The following USP43 variants were observed in gnomAD, a reference collection of about 807,000 sequenced individuals.
USP43 encodes ubiquitin carboxyl-terminal hydrolase 43.
In USP43, 33 loss-of-function variants were observed where a neutral mutation model predicts 90.7. The ratio of observed to expected loss-of-function variants is 0.36; its 90% CI spans 0.28 to 0.49. USP43 has a LOEUF of 0.49. Ranked by LOEUF, USP43 falls within the 20% of genes least tolerant of loss-of-function variation. The probability of loss-of-function intolerance (pLI) is 0.98; values close to 1 mark genes in which losing one functional copy is unlikely to be tolerated. For synonymous variants in USP43, 598 were observed against 615.8 expected (o/e 0.97, Z 0.43); for missense variants, 1,274 against 1,476.4 (o/e 0.86, Z 2.25).
intron 9 of USP43, among the ~76,000 whole-genome samples, chr17:9,695,136 C>T (rs1915180797): frequency 6.6e-6 from 1 of 151,930 alleles, no homozygotes; most frequent in Non-Finnish European, 1.5e-5. Context: ...CCCCTGTTCA[C>T]CCCACTCCCA....
rs1430746772 is a variant in USP43 at position 9,728,256 on chromosome 17, G to A, written c.2638G>A (p.Gly880Arg). The A allele has an allele frequency of 6.2e-7, 1 of 1,613,614 alleles. No homozygotes were observed. The highest frequency in any genetic ancestry group is 1.7e-5 in the Admixed American group (1 of 59,970). Residue 880 changes from glycine (G) to arginine (R), a missense_variant, in exon 15 of 15, where the codon GGG (glycine) becomes AGG (arginine). Physicochemically the swap from Gly to Arg is moderately radical, Grantham distance 125 (BLOSUM62 -2). Transcript: ENST00000285199. The surrounding 1 kb of genome is among the most constrained non-coding windows in gnomAD (Gnocchi z 6.2). ...CCTTCCTGCTAACAGCGAAGATGGT[G>A]GGCGGGCCATTGAAAGAGGTCCAGC... ...VALPANSEDG[G>R]RAIERGPAGV...
intron 2 of USP43, among the ~76,000 whole-genome samples, chr17:9,662,330 C>T (rs1158777794): frequency 6.6e-6 from 1 of 152,188 alleles, no homozygotes; most frequent in Non-Finnish European, 1.5e-5. Flanking sequence ...GTTACCTCCT[C>T]CAAGTGCCCT....
At chr17:9,721,873 G>A (rs978045921) in intron 14 of USP43, among the ~76,000 whole-genome samples, 6 of 151,124 alleles carry the variant, frequency 4.0e-5, no homozygotes, top group African/African-American at 9.8e-5. Context: ...ACAGGTGACA[G>A]GTGCCCGCCA....
intron 14 of USP43, among the ~76,000 whole-genome samples, chr17:9,719,914 A>G (rs570628241): frequency 6.6e-6 from 1 of 152,198 alleles, no homozygotes; most frequent in South Asian, 2.1e-4. Context: ...TAAAAATACA[A>G]AAATTAGCTG....
intron 14 of USP43, among the ~76,000 whole-genome samples, chr17:9,724,536 C>T (rs1004545981): frequency 1.2e-4 from 18 of 152,168 alleles, no homozygotes; most frequent in South Asian, 6.2e-4. Flanking sequence ...AAAAATTAGC[C>T]GGGCGTGGTG....
Position 9,686,986 on chromosome 17 carries a change from G to A in USP43, c.1353+77G>A. The A allele has an allele frequency of 2.2e-6, 3 of 1,361,642 alleles. No homozygotes were observed. The highest frequency in any genetic ancestry group is 3.1e-6 in the Non-Finnish European group (3 of 978,512). The allele number at this position is 1,361,642 out of a possible 1,614,324, so 84.3% of individuals were successfully genotyped here. A position where few individuals can be genotyped will look rare whatever the true frequency, so the allele number is the denominator to read the frequency against. On this transcript the variant is annotated intron_variant, in intron 8 of 14. Transcript: ENST00000285199. The surrounding 1 kb of genome is among the most constrained non-coding windows in gnomAD (Gnocchi z 5.5). ...GCGTGTGTGTGGGTGTGTGTATTGG[G>A]AGGGGTGGAATTTAGTGTAGCCCAG...
Position 9,674,217 on chromosome 17 carries a change from C to T in USP43, c.741-674C>T, listed in dbSNP as rs1913622985. 1.3e-5 allele frequency among the ~76,000 whole-genome samples: 2 copies of T among 152,072 alleles called. No homozygotes were observed. Among genetic ancestry groups the T allele is most frequent in the African/African-American group, 4.8e-5 (2 of 41,406 alleles). Reference sequence around the variant, plus strand: ...AGGGGCGGGTTATAGCTTCCCTTCCCATACTCAGTGCATTTATGTGTGTCA... The same window carrying T: ...AGGGGCGGGTTATAGCTTCCCTTCCTATACTCAGTGCATTTATGTGTGTCA... On this transcript the variant is annotated intron_variant, in intron 3 of 14. Transcript: ENST00000285199. This position sits in a 1 kb window ranked among gnomAD's most constrained non-coding sequence, Gnocchi z 4.4.
rs186741506 is a variant in USP43, at chr17:9,701,605, C to G, written c.1916C>G (p.Pro639Arg). 3 of 1,582,108 alleles carry G rather than the reference C, an allele frequency of 1.9e-6. No homozygotes were observed. The highest frequency in any genetic ancestry group is 1.8e-5 in the Admixed American group (1 of 54,942). The change falls in exon 12 of 15, where the codon CCG (proline) becomes CGG (arginine). Residue 639 changes from proline to arginine, a missense_variant. Around this residue, in one of 6 missense-constraint regions of USP43, gnomAD observed 285 missense variants for 349.6 expected, o/e 0.82. Transcript: ENST00000285199. The surrounding 1 kb of genome is among the most constrained non-coding windows in gnomAD (Gnocchi z 7.2). The part of the protein sequence containing the change: ...GLGPWPSWKQ[P>R]DCLPTSYPLD... ...GGCCCCTGGCCTTCCTGGAAGCAGC[C>G]GGACTGCCTGCCCACCAGTTACCCG...
chr17:9,703,384 G>T (rs1041011612), intron 12 of USP43, among the ~76,000 whole-genome samples: 51 of 152,206 alleles, frequency 3.4e-4, no homozygotes, highest in African/African-American at 9.7e-4. Flanking sequence ...TAGCATAGGC[G>T]TGAGAAGCGT....
intron 9 of USP43, among the ~76,000 whole-genome samples, chr17:9,697,478 C>A (rs892605171): frequency 2.6e-5 from 4 of 152,034 alleles, no homozygotes; most frequent in African/African-American, 4.8e-5. Context: ...AACCCTCTCT[C>A]CCTTCTTCCC....
intron 3 of USP43, among the ~76,000 whole-genome samples, chr17:9,672,493 A>G (rs1378654459): frequency 6.6e-6 from 1 of 152,216 alleles, no homozygotes; most frequent in East Asian, 1.9e-4. Flanking sequence ...GACGTCAATG[A>G]AAAACATTCT....
chr17:9,723,289 G>A (rs773090463), intron 14 of USP43, among the ~76,000 whole-genome samples: 22 of 152,106 alleles, frequency 1.4e-4, no homozygotes, highest in Non-Finnish European at 2.1e-4. Flanking sequence ...CCCAGAATAT[G>A]CCTAGGTGCG....
At chr17:9,661,029 T>G (rs1355041327) in intron 2 of USP43, among the ~76,000 whole-genome samples, 2 of 152,166 alleles carry the variant, frequency 1.3e-5, no homozygotes, top group Admixed American at 6.5e-5. Context: ...TTTTTCTCTT[T>G]GAGGTTATTT....
chr17:9,706,336 A>G lies in USP43; in HGVS notation c.2012-3620A>G, dbSNP rs185331525. Among the ~76,000 whole-genome samples, 74 of 152,282 alleles carry G rather than the reference A, an allele frequency of 4.9e-4. No individual in the cohort carries two copies. The East Asian group carries it at 0.013, about 27-fold the overall frequency. On this transcript the variant is annotated intron_variant, in intron 12 of 14. Coordinates refer to ENST00000285199, the MANE Select transcript of USP43 (RefSeq NM_153210.5). ...CCTGTGGAAAATTTTTGCCATGCAG[A>G]AAGTTTTTATTTTTGCTTTTCTAGG...
chr17:9,667,906 T>C (rs9902770), intron 3 of USP43, among the ~76,000 whole-genome samples: 2,842 of 152,306 alleles, frequency 0.019, 74 homozygotes, highest in African/African-American at 0.056. Context: ...GGGATGAGTA[T>C]TAAAATTTGG....
intron 2 of USP43, among the ~76,000 whole-genome samples, chr17:9,661,215 G>C (rs1912616713): frequency 6.6e-6 from 1 of 152,088 alleles, no homozygotes. Flanking sequence ...TTGTCAGTTT[G>C]CTTTCCAGAA....
intron 1 of USP43, among the ~76,000 whole-genome samples, chr17:9,650,970 C>A (rs879265617): frequency 2.8e-4 from 43 of 152,134 alleles, no homozygotes; most frequent in Non-Finnish European, 5.6e-4. Flanking sequence ...AGTCTTTCAT[C>A]CTTCACCCGT....
At chr17:9,696,757 C>T (rs1204023249) in intron 9 of USP43, among the ~76,000 whole-genome samples, 1 of 152,252 alleles carries the variant, frequency 6.6e-6, no homozygotes, top group African/African-American at 2.4e-5. Flanking sequence ...ATAAAGTCCA[C>T]ACTTGTGAAG....
intron 14 of USP43, among the ~76,000 whole-genome samples, chr17:9,713,787 A>G (rs1916338741): frequency 6.6e-6 from 1 of 152,174 alleles, no homozygotes; most frequent in African/African-American, 2.4e-5. Context: ...AGGTCTAAAT[A>G]ACGAGGGGAA....
Sources: gnomAD v4.1 joint callset for allele counts (sites outside exome capture counted in the v4.1 genomes callset) on GRCh38, gnomAD v4.1.1 for gene constraint, gnomAD v4.1.1 regional missense constraint, Gnocchi (gnomAD v3.1) non-coding constraint, MANE v1.5 for transcripts, NCBI Gene and HGNC (gene_info 2026-07-23, HGNC 2026-07-21) for gene names.